The following RSRC1 variants were observed in gnomAD, a reference collection of about 807,000 sequenced individuals.
RSRC1 encodes the protein serine/Arginine-related protein 53.
Under a neutral mutation model 49.1 loss-of-function variants are expected in RSRC1, and 39 were observed. That is an observed-to-expected ratio of 0.79 (90% CI 0.61 to 1.04). The LOEUF is 1.04. Among genes scored for constraint, RSRC1 ranks in the 50% least tolerant of loss-of-function variants. The pLI, the probability that RSRC1 is intolerant of heterozygous loss-of-function variation, is 0.00. For synonymous variants in RSRC1, 143 were observed against 130.8 expected (o/e 1.09, Z -0.63); for missense variants, 388 against 402.4 (o/e 0.96, Z 0.31).
At chr3:158,280,816 T>G (rs981184587) in intron 4 of RSRC1, among the ~76,000 whole-genome samples, 1 of 152,100 alleles carries the variant, frequency 6.6e-6, no homozygotes, top group East Asian at 1.9e-4. Flanking sequence ...CCTGCCAATT[T>G]TTTGTATTTT....
At chr3:158,340,520 G>A (rs958247701) in intron 5 of RSRC1, among the ~76,000 whole-genome samples, 2 of 151,984 alleles carry the variant, frequency 1.3e-5, no homozygotes, top group Admixed American at 6.6e-5. Context: ...CAGCCTGGGC[G>A]ACAGAGCAAG....
chr3:158,147,795 C>T (rs748007295), intron 3 of RSRC1, among the ~76,000 whole-genome samples: 4 of 152,140 alleles, frequency 2.6e-5, no homozygotes, highest in Non-Finnish European at 4.4e-5. Context: ...GAGAAATTCT[C>T]ATATTATAAT....
intron 3 of RSRC1, among the ~76,000 whole-genome samples, chr3:158,141,878 A>C (rs934363614): frequency 4.6e-5 from 7 of 152,156 alleles, no homozygotes; most frequent in Non-Finnish European, 7.4e-5. Flanking sequence ...TGGGCGGATC[A>C]CTTGAGCTCA....
chr3:158,386,415 A>C (rs1428091421), intron 6 of RSRC1, among the ~76,000 whole-genome samples: 1 of 152,106 alleles, frequency 6.6e-6, no homozygotes, highest in Non-Finnish European at 1.5e-5. Context: ...ACAACAAAGT[A>C]AATCCCTCTT....
At chr3:158,445,187 A>C (rs112646248) in intron 6 of RSRC1, among the ~76,000 whole-genome samples, 4 of 152,194 alleles carry the variant, frequency 2.6e-5, no homozygotes, top group African/African-American at 9.7e-5. Context: ...TCATGCTACT[A>C]TAAAGACATA....
intron 4 of RSRC1, among the ~76,000 whole-genome samples, chr3:158,206,700 G>C (rs1252591217): frequency 1.3e-5 from 2 of 152,078 alleles, no homozygotes; most frequent in African/African-American, 4.8e-5. Context: ...GATCACCTGA[G>C]GTCAGGAGTT....
At chr3:158,248,446 C>G (rs928382546) in intron 4 of RSRC1, among the ~76,000 whole-genome samples, 8 of 152,126 alleles carry the variant, frequency 5.3e-5, no homozygotes, top group Admixed American at 4.6e-4. Context: ...TGTTAATAAA[C>G]AGTTGAGTTG....
chr3:158,486,899 G>A (rs951556132), intron 7 of RSRC1, among the ~76,000 whole-genome samples: 10 of 152,114 alleles, frequency 6.6e-5, no homozygotes, highest in Non-Finnish European at 1.3e-4. Flanking sequence ...TTTTTACTGT[G>A]TTACAACCAA....
chr3:158,266,551 T>G (rs940318509), intron 4 of RSRC1, among the ~76,000 whole-genome samples: 9 of 152,136 alleles, frequency 5.9e-5, no homozygotes, highest in African/African-American at 1.9e-4. Flanking sequence ...TTGGGTGTAG[T>G]TTATACTTTT....
chr3:158,424,688 G>A (rs1252455015), intron 6 of RSRC1, among the ~76,000 whole-genome samples: 17 of 151,866 alleles, frequency 1.1e-4, no homozygotes, highest in East Asian at 3.9e-4. Context: ...GGTAGAATTC[G>A]GCTGTGAATC....
intron 7 of RSRC1, among the ~76,000 whole-genome samples, chr3:158,480,430 C>A (rs1205551638): frequency 6.6e-6 from 1 of 151,880 alleles, no homozygotes; most frequent in Non-Finnish European, 1.5e-5. Flanking sequence ...TTTCACAGAT[C>A]TTTCATATAT....
intron 7 of RSRC1, among the ~76,000 whole-genome samples, chr3:158,497,427 C>T (rs1739385847): frequency 6.9e-6 from 1 of 144,874 alleles, no homozygotes; most frequent in Non-Finnish European, 1.5e-5. Context: ...CAAGTCCTCA[C>T]AGTCCATTGT....
chr3:158,514,636 C>T (rs1199844375), intron 7 of RSRC1, among the ~76,000 whole-genome samples: 4 of 152,058 alleles, frequency 2.6e-5, no homozygotes, highest in African/African-American at 9.7e-5. Flanking sequence ...ATTATGTCCG[C>T]TTGGTGCAGA....
intron 3 of RSRC1, among the ~76,000 whole-genome samples, chr3:158,179,127 C>G (rs1415369522): frequency 2.6e-5 from 4 of 152,022 alleles, no homozygotes; most frequent in Non-Finnish European, 4.4e-5. Flanking sequence ...ATTGTTTTAT[C>G]TTGTCTAGTT....
At chr3:158,215,225 T>G (rs1474320023) in intron 4 of RSRC1, among the ~76,000 whole-genome samples, 1 of 151,798 alleles carries the variant, frequency 6.6e-6, no homozygotes, top group Non-Finnish European at 1.5e-5. Flanking sequence ...GTATATCTTT[T>G]TCCATCTTCC....
intron 7 of RSRC1, among the ~76,000 whole-genome samples, chr3:158,507,085 T>C (rs1447912446): frequency 1.3e-5 from 2 of 152,000 alleles, no homozygotes; most frequent in African/African-American, 4.8e-5. Flanking sequence ...ATCCTGTTAT[T>C]TGCAGCAACA....
chr3:158,385,941 G>T (rs1277290638), intron 6 of RSRC1, among the ~76,000 whole-genome samples: 1 of 152,100 alleles, frequency 6.6e-6, no homozygotes, highest in East Asian at 1.9e-4. Flanking sequence ...CTAATGTGCT[G>T]TCTAAAGAAG....
chr3:158,267,733 A>G (rs980926440), intron 4 of RSRC1, among the ~76,000 whole-genome samples: 1 of 151,744 alleles, frequency 6.6e-6, no homozygotes, highest in Non-Finnish European at 1.5e-5. Flanking sequence ...ATTCATTGAC[A>G]CTATTTTTCC....
chr3:158,466,696 T>C (rs1426707636), intron 7 of RSRC1, among the ~76,000 whole-genome samples: 1 of 152,186 alleles, frequency 6.6e-6, no homozygotes, highest in Non-Finnish European at 1.5e-5. Context: ...TTAACCTCTC[T>C]GCGACTCTAA....
Sources: gnomAD v4.1 joint callset for allele counts (sites outside exome capture counted in the v4.1 genomes callset) on GRCh38, gnomAD v4.1.1 for gene constraint, MANE v1.5 for transcripts, NCBI Gene and HGNC (gene_info 2026-07-23, HGNC 2026-07-21) for gene names.